Variants in CAMSAP1 observed in about 807,000 individuals in gnomAD.
The protein encoded by CAMSAP1 is calmodulin-regulated spectrin-associated protein 1.
In CAMSAP1, 58 loss-of-function variants were observed where a neutral mutation model predicts 143.5. That is an observed-to-expected ratio of 0.40 (90% CI 0.33 to 0.50). The LOEUF is 0.50. CAMSAP1 is among the 20% of genes least tolerant of loss of function. CAMSAP1 has a pLI of 0.45. For synonymous variants in CAMSAP1, 945 were observed against 859.3 expected, an observed-to-expected ratio of 1.10 and a Z score of -1.74; for missense variants, 1,969 against 2,115.7, an observed-to-expected ratio of 0.93 and a Z score of 1.36.
rs746684644 is a variant in CAMSAP1, at chr9:135,821,317, T to C, written c.3344A>G (p.Gln1115Arg). 3.1e-6 allele frequency: 5 copies of C among 1,613,226 alleles called. No homozygotes were observed. The highest frequency in any genetic ancestry group is 3.4e-6 in the Non-Finnish European group (4 of 1,179,880). ...AELKVPKDRP[Q>R]GSSRSKTPTP... ...TGGGGTTTTACTTCGGGAGGAGCCC[T>C]GTGGCCTGTCTTTTGGGACCTTCAG... The change falls in exon 11 of 17, where the codon CAG (glutamine) becomes CGG (arginine). Residue 1115 changes from glutamine to arginine, a missense_variant. Gln to Arg is a conservative substitution (Grantham distance 43). Around this residue, in one of 4 missense-constraint regions of CAMSAP1, gnomAD observed 1,390 missense variants for 1,420.8 expected, o/e 0.98. Coordinates refer to ENST00000389532, the MANE Select transcript of CAMSAP1 (RefSeq NM_015447.4). The surrounding 1 kb of genome is among the most constrained non-coding windows in gnomAD (Gnocchi z 4.6).
chr9:135,843,719 A>C (rs1836447361), intron 7 of CAMSAP1, among the ~76,000 whole-genome samples: 1 of 151,662 alleles, frequency 6.6e-6, no homozygotes, highest in Non-Finnish European at 1.5e-5. Context: ...AAAAATACAA[A>C]AAAAATTGGC....
At chr9:135,900,351 TGA>T (rs1838578325) in intron 1 of CAMSAP1, among the ~76,000 whole-genome samples, 1 of 151,944 alleles carries the variant, frequency 6.6e-6, no homozygotes, top group African/African-American at 2.4e-5. Context: ...TTTGACTAGT[TGA>T]GTTTGAAGTG....
At chr9:135,859,975 C>G (rs1194075110) in intron 5 of CAMSAP1, among the ~76,000 whole-genome samples, 1 of 147,696 alleles carries the variant, frequency 6.8e-6, no homozygotes, top group Admixed American at 6.8e-5. Flanking sequence ...GAGGCCAAGG[C>G]AAGCAGATCG....
chr9:135,865,363 G>A, intron 4 of CAMSAP1: 1 of 1,550,710 alleles, frequency 6.4e-7, no homozygotes, highest in Middle Eastern at 1.7e-4. Context: ...CTTGGAGGGA[G>A]ACTGCTCAGG....
intron 14 of CAMSAP1, among the ~76,000 whole-genome samples, chr9:135,816,256 G>A (rs1835227299): frequency 6.6e-6 from 1 of 152,222 alleles, no homozygotes; most frequent in African/African-American, 2.4e-5. Flanking sequence ...TTCACCGAAG[G>A]GGTTCACCTC....
In CAMSAP1 at chr9:135,881,734, T is replaced by C; in HGVS notation, c.484A>G (p.Ile162Val). 6.4e-7 allele frequency: 1 copy of C among 1,551,886 alleles called. No homozygotes were observed. Among genetic ancestry groups the C allele is most frequent in the Non-Finnish European group, 8.7e-7 (1 of 1,147,024 alleles). The change falls in exon 3 of 17, where the codon ATC becomes GTC. Residue 162 changes from isoleucine to valine, a missense_variant. Ile to Val is a conservative substitution (Grantham distance 29). Coordinates refer to ENST00000389532, the MANE Select transcript of CAMSAP1 (RefSeq NM_015447.4). ...TTGACACTGGCCACCACCTTCTCGA[T>C]GCTGATCATCTCCACAGTGTAGGCC... ...MMAYTVEMIS[I>V]EKVVASVKRF...
In CAMSAP1 at chr9:135,824,806, T is replaced by G; in HGVS notation, c.1298A>C (p.Gln433Pro). The G allele has an allele frequency of 6.3e-7, 1 of 1,596,908 alleles. No individual in the cohort carries two copies. Among genetic ancestry groups the G allele is most frequent in the Non-Finnish European group, 8.5e-7 (1 of 1,171,716 alleles). The change falls in exon 9 of 17, where the codon CAG becomes CCG. Residue 433 changes from glutamine (Q) to proline (P), a missense_variant. This residue lies in a region of CAMSAP1 where 1,390 missense variants were observed against 1,420.8 expected (regional missense o/e 0.98). Coordinates refer to ENST00000389532, the MANE Select transcript of CAMSAP1 (RefSeq NM_015447.4). This position sits in a 1 kb window ranked among gnomAD's most constrained non-coding sequence, Gnocchi z 4.1. ...PLRQKQQKSI[Q>P]GEDIPDQRHR... is the part of the protein sequence containing the mutation. ...ATTCTTACCAGGGATGTCCTCTCCC[T>G]GTATGGATTTCTGCTGTTTCTGTCT...
chr9:135,823,825 C>G (rs1390314560), intron 10 of CAMSAP1, 125 bp downstream of exon 10: 4 of 707,978 alleles, frequency 5.6e-6, no homozygotes, highest in Non-Finnish European at 9.7e-6. Context: ...AAAAATAATT[C>G]TGATTTCAGG....
intron 4 of CAMSAP1, among the ~76,000 whole-genome samples, chr9:135,864,585 C>G (rs2130938699): frequency 6.6e-6 from 1 of 152,310 alleles, no homozygotes; most frequent in Admixed American, 6.5e-5. Context: ...ACCACTGGCA[C>G]CAAGTACTCT....
intron 7 of CAMSAP1, among the ~76,000 whole-genome samples, chr9:135,830,159 A>G (rs1385174936): frequency 5.9e-5 from 9 of 152,250 alleles, no homozygotes; most frequent in African/African-American, 2.2e-4. Flanking sequence ...AAAGACATGC[A>G]AAAGAACTGT....
chr9:135,839,217 T>C (rs12345642), intron 7 of CAMSAP1, among the ~76,000 whole-genome samples: 52,955 of 152,084 alleles, frequency 0.35, 10,755 homozygotes, highest in African/African-American at 0.57. Context: ...TCCCTGCTGA[T>C]GCAGAGTGTA....
chr9:135,907,491 A>AGCGGCGGCG lies in CAMSAP1; in HGVS notation c.-341_-333dup, dbSNP rs1011641088. Among the ~76,000 whole-genome samples, 31 of 141,820 alleles carry AGCGGCGGCG rather than the reference A, an allele frequency of 2.2e-4. No homozygotes were observed. Among genetic ancestry groups the AGCGGCGGCG allele is most frequent in the Admixed American group, 1.9e-3 (27 of 14,330 alleles). The allele number at this position is 141,820 out of a possible 152,430, so 93.0% of individuals were successfully genotyped here. A position where few individuals can be genotyped will look rare whatever the true frequency, so the allele number is the denominator to read the frequency against. ...GGCAGCGCGTGCGCGGTCCCGGGTG[A>AGCGGCGGCG]GCGGCGGCGGCGGCGACAGCGGCTG... On this transcript the variant is annotated 5_prime_UTR_variant, in exon 1 of 17. Coordinates refer to ENST00000389532, the MANE Select transcript of CAMSAP1 (RefSeq NM_015447.4).
chr9:135,841,553 G>T (rs1161055277), intron 7 of CAMSAP1, among the ~76,000 whole-genome samples: 1 of 152,200 alleles, frequency 6.6e-6, no homozygotes, highest in Non-Finnish European at 1.5e-5. Context: ...CTCCTGACTG[G>T]GTGTTTACCT....
chr9:135,888,312 T>C (rs1588506051), intron 1 of CAMSAP1, among the ~76,000 whole-genome samples: 1 of 152,196 alleles, frequency 6.6e-6, no homozygotes, highest in Non-Finnish European at 1.5e-5. Context: ...GAAGTGGCCA[T>C]CTGTCGACTG....
chr9:135,852,792 C>G (rs373014451), intron 5 of CAMSAP1, among the ~76,000 whole-genome samples: 9 of 152,166 alleles, frequency 5.9e-5, no homozygotes, highest in African/African-American at 2.2e-4. Context: ...CAGCTAAAAT[C>G]TGGGACAATT....
At position 135,824,022 on chromosome 9, in the gene CAMSAP1, C is replaced by T. The variant is rs1042310327; in HGVS notation, c.1328G>A (p.Arg443Gln). The T allele has an allele frequency of 1.3e-6, 2 of 1,583,230 alleles. No individual in the cohort carries two copies. Among genetic ancestry groups the T allele is most frequent in the South Asian group, 1.2e-5 (1 of 86,044 alleles). ...ATCAACTCGGGTCAAAGAATTCGATCGATGTCGCTGATCTGCAGTACAGAG... is the reference window on the plus strand; with the variant it reads ...ATCAACTCGGGTCAAAGAATTCGATTGATGTCGCTGATCTGCAGTACAGAG... ...QGEDIPDQRH[R>Q]SNSLTRVDGQ... The change falls in exon 10 of 17, where the codon CGA becomes CAA. Residue 443 changes from arginine (R) to glutamine (Q), a missense_variant. By Grantham distance (43) the Arg-to-Gln change is conservative. This residue lies in a region of CAMSAP1 where 1,390 missense variants were observed against 1,420.8 expected (regional missense o/e 0.98). Coordinates refer to ENST00000389532, the MANE Select transcript of CAMSAP1 (RefSeq NM_015447.4). This position sits in a 1 kb window ranked among gnomAD's most constrained non-coding sequence, Gnocchi z 4.1.
chr9:135,811,340 G>A lies in CAMSAP1; in HGVS notation c.4778C>T (p.Ala1593Val), dbSNP rs931319246. Residue 1593 changes from alanine to valine, a missense_variant, in exon 17 of 17, where the codon GCA becomes GTA. Coordinates refer to ENST00000389532, the MANE Select transcript of CAMSAP1 (RefSeq NM_015447.4). The surrounding 1 kb of genome is among the most constrained non-coding windows in gnomAD (Gnocchi z 4.9). ...HNHLWQPKRPAVPKKAQTRK is the reference protein window; with the variant it reads ...HNHLWQPKRPVVPKKAQTRK ...ACGAGTCTGGGCCTTCTTTGGCACT[G>A]CAGGCCGCTTGGGCTGCCACAGGTG... 3.1e-6 allele frequency: 5 copies of A among 1,612,748 alleles called. No homozygotes were observed. Among genetic ancestry groups the A allele is most frequent in the Non-Finnish European group, 3.4e-6 (4 of 1,179,402 alleles).
intron 1 of CAMSAP1, among the ~76,000 whole-genome samples, 192 bp downstream of exon 1, chr9:135,906,808 G>A (rs1838794712): frequency 6.6e-6 from 1 of 152,080 alleles, no homozygotes; most frequent in South Asian, 2.1e-4. Flanking sequence ...CACTCGCCAG[G>A]TGACCGCGTC....
At chr9:135,823,744 C>A (rs998908967) in intron 10 of CAMSAP1, among the ~76,000 whole-genome samples, 5 of 152,130 alleles carry the variant, frequency 3.3e-5, no homozygotes, top group African/African-American at 1.2e-4. Flanking sequence ...GGTATGCAGC[C>A]TCTGAAAAAT....
Sources: gnomAD v4.1 joint callset for allele counts (sites outside exome capture counted in the v4.1 genomes callset) on GRCh38, gnomAD v4.1.1 for gene constraint, gnomAD v4.1.1 regional missense constraint, Gnocchi (gnomAD v3.1) non-coding constraint, MANE v1.5 for transcripts, NCBI Gene and HGNC (gene_info 2026-07-23, HGNC 2026-07-21) for gene names.